Variants in NOSTRIN observed in about 807,000 individuals in gnomAD.
NOSTRIN encodes BM247 homolog.
Under a neutral mutation model 59.0 loss-of-function variants are expected in NOSTRIN, and 63 were observed. That is an observed-to-expected ratio of 1.07 (90% CI 0.87 to 1.32). NOSTRIN has a LOEUF of 1.32. Ranked by LOEUF, NOSTRIN falls within the 40% of genes most tolerant of loss-of-function variation. The probability of loss-of-function intolerance (pLI) is 0.00; values close to 1 mark genes in which losing one functional copy is unlikely to be tolerated. For missense variants in NOSTRIN, 512 were observed against 473.1 expected (o/e 1.08, Z -0.76); for synonymous variants, 200 against 165.4 (o/e 1.21, Z -1.61).
intron 11 of NOSTRIN, 178 bp downstream of exon 11, chr2:168,855,638 CAAAAA>C: frequency 1.1e-3 from 125 of 116,218 alleles, no homozygotes; most frequent in South Asian, 3.5e-3. Flanking sequence ...AAAAGAAAGC[CAAAAA>C]AAAAAAAAAA....
At position 168,826,709 on chromosome 2, in the gene NOSTRIN, T is replaced by C. The variant is rs149410502; in HGVS notation, c.198-1449T>C. 3.4e-3 allele frequency among the ~76,000 whole-genome samples: 523 copies of C among 152,348 alleles called. 4 individuals carry two copies. The highest frequency in any genetic ancestry group is 0.012 in the African/African-American group (506 of 41,580). ...CTACCCAGAAATGTGCCTGACTTCATTTTTTAAAAATCAGCTCTACTGAGT... is the reference window on the plus strand; with the variant it reads ...CTACCCAGAAATGTGCCTGACTTCACTTTTTAAAAATCAGCTCTACTGAGT... On this transcript the variant is annotated intron_variant, in intron 3 of 15. Coordinates refer to ENST00000317647, the MANE Select transcript of NOSTRIN (RefSeq NM_001039724.4).
intron 5 of NOSTRIN, 107 bp from the exon 6 acceptor site, chr2:168,831,365 G>T: frequency 1.5e-6 from 1 of 676,800 alleles, no homozygotes; most frequent in East Asian, 2.6e-5. Context: ...ATCACATTGA[G>T]GGAATAGGTT....
At chr2:168,795,432 T>C (rs1685454631), upstream of NOSTRIN, among the ~76,000 whole-genome samples, 1 of 152,252 alleles carries the variant, frequency 6.6e-6, no homozygotes. Flanking sequence ...GTTAAAGCCA[T>C]AGATCACAGC....
chr2:168,818,840 A>AT (rs1298332819), intron 2 of NOSTRIN, among the ~76,000 whole-genome samples: 72 of 77,668 alleles, frequency 9.3e-4, no homozygotes, highest in Middle Eastern at 0.014. Flanking sequence ...CATATTAAAA[A>AT]ATTTTTTTAA....
At chr2:168,817,919 T>C (rs913322038) in intron 2 of NOSTRIN, among the ~76,000 whole-genome samples, 5 of 152,198 alleles carry the variant, frequency 3.3e-5, no homozygotes, top group Non-Finnish European at 7.3e-5. Flanking sequence ...ATACAATCTG[T>C]AAGAGGAGCT....
chr2:168,805,962 C>G (rs998073840), intron 1 of NOSTRIN, among the ~76,000 whole-genome samples: 7 of 152,166 alleles, frequency 4.6e-5, no homozygotes, highest in Non-Finnish European at 2.9e-5. Flanking sequence ...ATTTCTTGGA[C>G]CTCTGTTTCC....
upstream of NOSTRIN, among the ~76,000 whole-genome samples, chr2:168,797,915 G>A (rs996772594): frequency 2.6e-5 from 4 of 152,040 alleles, no homozygotes; most frequent in Non-Finnish European, 4.4e-5. Flanking sequence ...AAGTCATCCC[G>A]CAGTATCCAT....
chr2:168,849,756 C>T (rs1574324319), intron 8 of NOSTRIN, among the ~76,000 whole-genome samples: 1 of 151,374 alleles, frequency 6.6e-6, no homozygotes, highest in Admixed American at 6.6e-5. Flanking sequence ...TGGGCACATA[C>T]CCAGCAGCCT....
At chr2:168,827,145 C>T (rs1166142247) in intron 3 of NOSTRIN, among the ~76,000 whole-genome samples, 4 of 151,446 alleles carry the variant, frequency 2.6e-5, no homozygotes, top group Non-Finnish European at 5.9e-5. Context: ...CCACCCCCTT[C>T]CTCTTCATCA....
At position 168,861,188 on chromosome 2, in the gene NOSTRIN, T is replaced by TAATC. The variant is rs1030546463; in HGVS notation, c.1294+281_1294+284dup. On this transcript the variant is annotated intron_variant, in intron 14 of 15. Transcript: ENST00000317647. Reference sequence around the variant, plus strand: ...AATGGCCTGTTATTTGCCATAAACATAATCACACCTAAACCATCGTGAGGA... The same window carrying TAATC: ...AATGGCCTGTTATTTGCCATAAACATAATCAATCACACCTAAACCATCGTGAGGA... Among the ~76,000 whole-genome samples the TAATC allele has an allele frequency of 6.6e-5, 10 of 152,294 alleles. No homozygotes were observed. In the South Asian group the frequency reaches 1.2e-3, roughly 19 times the overall value.
At chr2:168,797,167 C>A (rs1685506651), upstream of NOSTRIN, among the ~76,000 whole-genome samples, 1 of 133,422 alleles carries the variant, frequency 7.5e-6, no homozygotes, top group Non-Finnish European at 1.5e-5. Flanking sequence ...CGGCTTATTG[C>A]AGCCTCGATT....
At chr2:168,800,661 A>G (rs1417812257), upstream of NOSTRIN, among the ~76,000 whole-genome samples, 2 of 152,268 alleles carry the variant, frequency 1.3e-5, no homozygotes, top group East Asian at 1.9e-4. Context: ...GTGTGACAGC[A>G]CTTCTTATGG....
intron 7 of NOSTRIN, among the ~76,000 whole-genome samples, chr2:168,836,017 C>T (rs573391188): frequency 1.3e-5 from 2 of 152,312 alleles, no homozygotes; most frequent in Admixed American, 1.3e-4. Flanking sequence ...CCACTGCAAA[C>T]CCCTTACAAA....
chr2:168,828,023 T>C lies in NOSTRIN; in HGVS notation c.198-135T>C, dbSNP rs1458080832. 4.4e-6 allele frequency: 3 copies of C among 681,320 alleles called. No homozygotes were observed. In the African/African-American group the frequency reaches 5.3e-5, roughly 12 times the overall value. 42.2% of individuals were successfully genotyped at this position (681,320 alleles called of 1,614,324 possible). On this transcript the variant is annotated intron_variant, in intron 3 of 15. Coordinates refer to ENST00000317647, the MANE Select transcript of NOSTRIN (RefSeq NM_001039724.4). Reference sequence around the variant, plus strand: ...GGCAGAATGTAATCTCATAGAGAAATTGAAATAAGGTTAGGGAAGTGAATG... The same window carrying C: ...GGCAGAATGTAATCTCATAGAGAAACTGAAATAAGGTTAGGGAAGTGAATG...
At chr2:168,841,252 A>AG (rs1688084522) in intron 7 of NOSTRIN, among the ~76,000 whole-genome samples, 1 of 141,326 alleles carries the variant, frequency 7.1e-6, no homozygotes, top group Non-Finnish European at 1.5e-5. Context: ...AAAAAAAAAA[A>AG]AAAAAAAAAG....
rs191918822 is a variant in NOSTRIN at position 168,811,665 on chromosome 2, C to G, written c.113+13C>G. 4 of 836,148 alleles carry G rather than the reference C, an allele frequency of 4.8e-6. No homozygotes were observed. The East Asian group carries it at 9.9e-5, about 21-fold the overall frequency. The allele number at this position is 836,148 out of a possible 1,614,324, so 51.8% of individuals were successfully genotyped here. A position where few individuals can be genotyped will look rare whatever the true frequency, so the allele number is the denominator to read the frequency against. On this transcript the variant is annotated intron_variant, in intron 2 of 15. Transcript: ENST00000317647. ...TTCTTCAGCAAAGGTACAAAATGCA[C>G]GTTTGCAATAAATGGTTCTTCCTCT...
rs59521327 is a variant in NOSTRIN at position 168,824,791 on chromosome 2, T to TGTTTGTTTG, written c.197+74_197+75insGTTTGTTTG. 38 of 785,678 alleles carry TGTTTGTTTG rather than the reference T, an allele frequency of 4.8e-5. 1 individual carries two copies. Among genetic ancestry groups the TGTTTGTTTG allele is most frequent in the Middle Eastern group, 4.6e-4 (2 of 4,354 alleles). The allele number at this position is 785,678 out of a possible 1,614,324, so 48.7% of individuals were successfully genotyped here. ...TTTTTTGTTTGTTTGTTTGTTTGTT[T>TGTTTGTTTG]TTTGAGACAGGGTCTTGCTCTGTTA... is the stretch of plus-strand genomic sequence containing the variant. On this transcript the variant is annotated intron_variant, in intron 3 of 15. Coordinates refer to ENST00000317647, the MANE Select transcript of NOSTRIN (RefSeq NM_001039724.4).
chr2:168,791,986 A>G (rs1049506396), intron 2 of NOSTRIN, among the ~76,000 whole-genome samples: 3 of 152,048 alleles, frequency 2.0e-5, no homozygotes, highest in African/African-American at 7.2e-5. Flanking sequence ...TCTTGAGTTT[A>G]ATTAGATCCC....
At chr2:168,788,892 AAGATAGAT>A (rs4000833) in intron 2 of NOSTRIN, among the ~76,000 whole-genome samples, 13,498 of 148,332 alleles carry the variant, frequency 0.091, 690 homozygotes, top group African/African-American at 0.13. Flanking sequence ...CACAGATAAA[AAGATAGAT>A]AGATAGATAG....
Sources: allele counts gnomAD v4.1 joint callset (sites outside exome capture counted in the v4.1 genomes callset), GRCh38; gene constraint gnomAD v4.1.1; transcripts MANE v1.5; gene names NCBI Gene and HGNC (gene_info 2026-07-23, HGNC 2026-07-21).